The following TMX1 variants were observed in gnomAD, a reference collection of about 807,000 sequenced individuals.
TMX1 encodes thioredoxin related transmembrane protein 1.
A neutral mutation model predicts 36.6 loss-of-function variants in TMX1; 25 were observed. The observed-to-expected ratio is 0.68, with a 90% confidence interval of 0.50 to 0.95. The LOEUF is 0.95. TMX1 is among the 40% of genes least tolerant of loss of function. TMX1 has a pLI of 0.00. For synonymous variants in TMX1, 133 were observed against 118.0 expected, an observed-to-expected ratio of 1.13 and a Z score of -0.82; for missense variants, 347 against 339.6, an observed-to-expected ratio of 1.02 and a Z score of -0.17.
chr14:51,254,715 G>A lies in TMX1; in HGVS notation c.*196G>A, dbSNP rs780520083. On this transcript the variant is annotated 3_prime_UTR_variant, in exon 8 of 8. Transcript: ENST00000457354. Reference sequence around the variant, plus strand: ...TTGAAATATGATTTAAGCACAGTATGATGGTTTAAATAGTTCTCTAATTTT... The same window carrying A: ...TTGAAATATGATTTAAGCACAGTATAATGGTTTAAATAGTTCTCTAATTTT... 9.7e-5 allele frequency: 43 copies of A among 441,646 alleles called. No individual in the cohort carries two copies. The highest frequency in any genetic ancestry group is 1.5e-4 in the Non-Finnish European group (39 of 256,040). The allele number at this position is 441,646 out of a possible 1,614,324, so 27.4% of individuals were successfully genotyped here.
intron 7 of TMX1, among the ~76,000 whole-genome samples, chr14:51,252,928 T>C (rs2065821660): frequency 6.6e-6 from 1 of 152,226 alleles, no homozygotes; most frequent in African/African-American, 2.4e-5. Flanking sequence ...TAGAATTTTT[T>C]ATTTTTTATT....
Position 51,249,779 on chromosome 14 carries a change from A to G in TMX1, c.664+14A>G. 3 of 1,579,560 alleles carry G rather than the reference A, an allele frequency of 1.9e-6. No homozygotes were observed. Among genetic ancestry groups the G allele is most frequent in the Non-Finnish European group, 2.6e-6 (3 of 1,158,582 alleles). ...CATACCCTTCAAGTAAGTATATTTT[A>G]AAATGTTTATTTTTTATTCACGATA... On this transcript the variant is annotated intron_variant, in intron 7 of 7. Transcript: ENST00000457354.
At chr14:51,254,045 T>C (rs1416641499) in intron 7 of TMX1, 1 of 199,034 alleles carries the variant, frequency 5.0e-6, no homozygotes, top group Non-Finnish European at 1.0e-5. Flanking sequence ...ATGCTGTATA[T>C]TTTCTCACAA....
At chr14:51,244,905 A>G (rs1483138247) in intron 2 of TMX1, among the ~76,000 whole-genome samples, 1 of 152,098 alleles carries the variant, frequency 6.6e-6, no homozygotes, top group Non-Finnish European at 1.5e-5. Flanking sequence ...AGTATTTTCC[A>G]TTTTTAGCAG....
Position 51,240,590 on chromosome 14 carries a change from C to G in TMX1, c.152+146C>G, listed in dbSNP as rs889554410. On this transcript the variant is annotated intron_variant, in intron 1 of 7. Transcript: ENST00000457354. ...CCCGACTTCTGCAGCTCCCCAAACTCTTGGGATCTGCCGCCAGCTTGGTCC... is the reference window on the plus strand; with the variant it reads ...CCCGACTTCTGCAGCTCCCCAAACTGTTGGGATCTGCCGCCAGCTTGGTCC... 20 of 1,220,590 alleles carry G rather than the reference C, an allele frequency of 1.6e-5. No individual in the cohort carries two copies. The African/African-American group carries it at 2.7e-4, about 17-fold the overall frequency. The allele number at this position is 1,220,590 out of a possible 1,614,324, so 75.6% of individuals were successfully genotyped here.
rs1566713579 is a variant in TMX1, at chr14:51,254,603, CTT to C, written c.*89_*90del. ...TTGTTTGGTTTGAAGTGAACTGTGACTTTTTTGAATATTGCAGGGTTCAGTCT... is the reference window on the plus strand; with the variant it reads ...TTGTTTGGTTTGAAGTGAACTGTGACTTTTGAATATTGCAGGGTTCAGTCT... On this transcript the variant is annotated 3_prime_UTR_variant, in exon 8 of 8. Transcript: ENST00000457354. The C allele has an allele frequency of 6.0e-5, 78 of 1,290,840 alleles. 1 individual carries two copies. In the South Asian group the frequency reaches 1.1e-3, roughly 18 times the overall value. 80.0% of individuals were successfully genotyped at this position (1,290,840 alleles called of 1,614,324 possible). A position where few individuals can be genotyped will look rare whatever the true frequency, so the allele number is the denominator to read the frequency against.
chr14:51,240,817 T>C (rs1049411965), intron 1 of TMX1, among the ~76,000 whole-genome samples: 1 of 152,188 alleles, frequency 6.6e-6, no homozygotes, highest in Admixed American at 6.5e-5. Context: ...CACAGACTTC[T>C]ACACTTATTT....
In TMX1 at chr14:51,255,024, C is replaced by T. The variant is rs569968328; in HGVS notation, c.*505C>T. ...TTTTAGAGGTATATTCCAAAATTTC[C>T]TTGTATTTTTAGGTTATGCAACTAA... On this transcript the variant is annotated 3_prime_UTR_variant, in exon 8 of 8. Coordinates refer to ENST00000457354, the MANE Select transcript of TMX1 (RefSeq NM_030755.5). 1.3e-5 allele frequency: 2 copies of T among 152,156 alleles called. No homozygotes were observed. The highest frequency in any genetic ancestry group is 2.1e-4 in the South Asian group (1 of 4,832). 9.4% of individuals were successfully genotyped at this position (152,156 alleles called of 1,614,324 possible).
At position 51,240,658 on chromosome 14, in the gene TMX1, G is replaced by A. The variant is rs555546605; in HGVS notation, c.152+214G>A. On this transcript the variant is annotated intron_variant, in intron 1 of 7. Transcript: ENST00000457354. ...CCCGTGAATGTTAAGTTTCTTCTGG[G>A]GTGCACCCTCGTTTCGTTTCTTGGG... 2.0e-5 allele frequency among the ~76,000 whole-genome samples: 3 copies of A among 152,238 alleles called. No individual in the cohort carries two copies. The South Asian group carries it at 6.2e-4, about 32-fold the overall frequency.
intron 2 of TMX1, among the ~76,000 whole-genome samples, chr14:51,244,465 T>G (rs1209847036): frequency 6.6e-6 from 1 of 152,126 alleles, no homozygotes; most frequent in African/African-American, 2.4e-5. Flanking sequence ...TGAAATTGAG[T>G]TTTAAATTTA....
intron 7 of TMX1, among the ~76,000 whole-genome samples, chr14:51,252,739 C>T (rs2065820077): frequency 6.6e-6 from 1 of 152,080 alleles, no homozygotes; most frequent in Admixed American, 6.5e-5. Flanking sequence ...GCTAGGGTTG[C>T]TAAGGAAACC....
In TMX1 at chr14:51,255,632, T is replaced by C. The variant is rs1303673023; in HGVS notation, c.*1113T>C. The C allele has an allele frequency of 4.6e-5, 7 of 152,188 alleles. No individual in the cohort carries two copies. In the East Asian group the frequency reaches 1.3e-3, roughly 29 times the overall value. 9.4% of individuals were successfully genotyped at this position (152,188 alleles called of 1,614,324 possible). A position where few individuals can be genotyped will look rare whatever the true frequency, so the allele number is the denominator to read the frequency against. On this transcript the variant is annotated 3_prime_UTR_variant, in exon 8 of 8. Transcript: ENST00000457354. ...GCTTGATGTTTTAAAATAATAACAT[T>C]TTTATATTTTTTAAAAGACAAACTT...
At chr14:51,246,913 T>G (rs946793864) in intron 3 of TMX1, among the ~76,000 whole-genome samples, 179 bp from the exon 4 acceptor site, 1 of 152,184 alleles carries the variant, frequency 6.6e-6, no homozygotes. Context: ...GTAACCTCAT[T>G]GTTAAATTGG....
chr14:51,245,407 A>T, intron 3 of TMX1, 49 bp downstream of exon 3: 1 of 1,608,442 alleles, frequency 6.2e-7, no homozygotes, highest in Non-Finnish European at 8.5e-7. Flanking sequence ...ATTATAGTGT[A>T]ATCAGAAGTA....
rs571570368 is a variant in TMX1, at chr14:51,243,825, C to A, written c.153-31C>A. 3.9e-6 allele frequency: 6 copies of A among 1,524,344 alleles called. No individual in the cohort carries two copies. In the South Asian group the frequency reaches 6.5e-5, roughly 17 times the overall value. 94.4% of individuals were successfully genotyped at this position (1,524,344 alleles called of 1,614,324 possible). A position where few individuals can be genotyped will look rare whatever the true frequency, so the allele number is the denominator to read the frequency against. ...TAAATGGTCATACTAAAGTGCTTAA[C>A]TTTTTTTAAAAAAAAATCTGTATTT... On this transcript the variant is annotated intron_variant, in intron 1 of 7. Transcript: ENST00000457354.
At chr14:51,249,189 A>T in intron 4 of TMX1, 137 bp from the exon 5 acceptor site, 4 of 614,880 alleles carry the variant, frequency 6.5e-6, no homozygotes, top group Non-Finnish European at 1.1e-5. Context: ...TACAGGCATG[A>T]AATCAGTGAT....
chr14:51,250,480 TTTTGTTTGTTTGTTTG>T (rs143992568), intron 7 of TMX1, among the ~76,000 whole-genome samples: 2 of 150,570 alleles, frequency 1.3e-5, no homozygotes, highest in Non-Finnish European at 3.0e-5. Context: ...TTATTATGTC[TTTTGTTTGTTTGTTTG>T]TTTGTTTGTT....
intron 4 of TMX1, 44 bp from the exon 5 acceptor site, chr14:51,249,282 C>A: frequency 2.0e-6 from 3 of 1,498,306 alleles, no homozygotes; most frequent in Non-Finnish European, 2.7e-6. Flanking sequence ...ATAGACAAAT[C>A]TGTGTATGTT....
intron 7 of TMX1, among the ~76,000 whole-genome samples, chr14:51,251,446 TTA>T (rs1303316029): frequency 2.0e-5 from 3 of 152,276 alleles, no homozygotes; most frequent in African/African-American, 7.2e-5. Context: ...AGCATCTGTA[TTA>T]TGTTTTGTTT....
Sources: gnomAD v4.1 joint callset for allele counts (sites outside exome capture counted in the v4.1 genomes callset) on GRCh38, gnomAD v4.1.1 for gene constraint, MANE v1.5 for transcripts, NCBI Gene and HGNC (gene_info 2026-07-23, HGNC 2026-07-21) for gene names.